RABGAP1L: variants seen among roughly 807,000 people sequenced by gnomAD.
RABGAP1L encodes rab GTPase-activating protein 1-like.
RABGAP1L carries 63 observed loss-of-function variants against 137.7 expected under a neutral mutation model. The observed-to-expected ratio is 0.46, with a 90% CI of 0.37 to 0.56. The LOEUF (loss-of-function observed/expected upper bound fraction) is 0.56, where lower values mean the gene tolerates loss of function less well. Ranked by LOEUF, RABGAP1L falls within the 20% of genes least tolerant of loss-of-function variation. The pLI is 0.00. For synonymous variants in RABGAP1L, 431 were observed against 433.7 expected (o/e 0.99, Z 0.08); for missense variants, 1,095 against 1,244.0 (o/e 0.88, Z 1.80).
chr1:174,617,076 C>T (rs909767968), intron 13 of RABGAP1L, among the ~76,000 whole-genome samples: 3 of 152,174 alleles, frequency 2.0e-5, no homozygotes, highest in South Asian at 2.1e-4. Context: ...AAGGAATATA[C>T]TGTGTCCAGC....
intron 19 of RABGAP1L, among the ~76,000 whole-genome samples, chr1:174,835,824 A>G (rs914461859): frequency 4.6e-5 from 7 of 152,268 alleles, no homozygotes; most frequent in African/African-American, 1.7e-4. Context: ...AAAGTGATGT[A>G]TATTTCTTCC....
chr1:174,678,714 C>T (rs1348221257), intron 14 of RABGAP1L, among the ~76,000 whole-genome samples: 1 of 152,152 alleles, frequency 6.6e-6, no homozygotes, highest in African/African-American at 2.4e-5. Flanking sequence ...TTCTTGGCCT[C>T]ACGGCTTCCA....
At chr1:174,340,909 C>T (rs560614680) in intron 11 of RABGAP1L, among the ~76,000 whole-genome samples, 4 of 152,174 alleles carry the variant, frequency 2.6e-5, no homozygotes, top group Non-Finnish European at 4.4e-5. Flanking sequence ...TTTTCCTTCA[C>T]GACCTTGCCA....
intron 3 of RABGAP1L, among the ~76,000 whole-genome samples, chr1:174,226,491 A>G (rs6682607): frequency 0.84 from 128,606 of 152,232 alleles, 54,988 homozygotes; most frequent in East Asian, 1. Context: ...TTATAACAGT[A>G]GGAGAGATAA....
At chr1:174,302,198 C>T (rs1677774636) in intron 10 of RABGAP1L, among the ~76,000 whole-genome samples, 1 of 152,142 alleles carries the variant, frequency 6.6e-6, no homozygotes, top group African/African-American at 2.4e-5. Context: ...TAGATTAGGA[C>T]ACAGAAGCCA....
At chr1:174,241,244 C>T (rs1446384724) in intron 4 of RABGAP1L, among the ~76,000 whole-genome samples, 3 of 151,992 alleles carry the variant, frequency 2.0e-5, no homozygotes, top group South Asian at 2.1e-4. Flanking sequence ...CGCTTGAACT[C>T]GGGAGGTGGA....
At chr1:174,499,141 C>T (rs1661019653) in intron 13 of RABGAP1L, among the ~76,000 whole-genome samples, 3 of 151,934 alleles carry the variant, frequency 2.0e-5, no homozygotes, top group Non-Finnish European at 4.4e-5. Context: ...ATTGCTACCA[C>T]ATATAATGCA....
chr1:174,324,068 C>T (rs547900223), intron 11 of RABGAP1L, among the ~76,000 whole-genome samples: 5 of 152,054 alleles, frequency 3.3e-5, no homozygotes, highest in Admixed American at 6.6e-5. Flanking sequence ...GCAAATTATC[C>T]AGAAACATCA....
intron 14 of RABGAP1L, among the ~76,000 whole-genome samples, chr1:174,668,789 G>A (rs1676968182): frequency 6.6e-6 from 1 of 152,064 alleles, no homozygotes; most frequent in Non-Finnish European, 1.5e-5. Flanking sequence ...TTTGTCTTTT[G>A]ATAATAGCTA....
chr1:174,536,494 T>G (rs1477277188), intron 13 of RABGAP1L, among the ~76,000 whole-genome samples: 2 of 152,010 alleles, frequency 1.3e-5, no homozygotes, highest in African/African-American at 4.8e-5. Context: ...AAAAGAAAAA[T>G]AAGCATTCTT....
At chr1:174,502,502 A>T (rs1202578335) in intron 13 of RABGAP1L, among the ~76,000 whole-genome samples, 1 of 150,608 alleles carries the variant, frequency 6.6e-6, no homozygotes, top group Non-Finnish European at 1.5e-5. Flanking sequence ...AAAACCAAAT[A>T]ACACAAAACA....
chr1:174,327,968 T>TATACAC lies in RABGAP1L; in HGVS notation c.1465+22844_1465+22845insCACATA, dbSNP rs1161227192. On this transcript the variant is annotated intron_variant, in intron 11 of 25. Coordinates refer to ENST00000681986, the MANE Select transcript of RABGAP1L (RefSeq NM_001366446.1). ...TATAACAGTTGTAAATATATATATA[T>TATACAC]ATATATATATACACACACATATATA... Among the ~76,000 whole-genome samples, 38 of 14,318 alleles carry TATACAC rather than the reference T, an allele frequency of 2.7e-3. 2 individuals are homozygous for TATACAC. The highest frequency in any genetic ancestry group is 0.022 in the African/African-American group (35 of 1,596). The allele number at this position is 14,318 out of a possible 152,430, so 9.4% of individuals were successfully genotyped here. A position where few individuals can be genotyped will look rare whatever the true frequency, so the allele number is the denominator to read the frequency against.
At chr1:174,296,458 T>G (rs2148736897) in intron 10 of RABGAP1L, among the ~76,000 whole-genome samples, 1 of 152,350 alleles carries the variant, frequency 6.6e-6, no homozygotes, top group South Asian at 2.1e-4. Context: ...TGAATGAACA[T>G]TCCATTAAAA....
At chr1:174,715,981 C>T (rs894626980) in intron 17 of RABGAP1L, among the ~76,000 whole-genome samples, 3 of 152,196 alleles carry the variant, frequency 2.0e-5, no homozygotes, top group African/African-American at 7.2e-5. Context: ...TGAGGATGCT[C>T]AAGTTCCCTG....
chr1:174,561,475 C>T (rs1224793526), intron 13 of RABGAP1L, among the ~76,000 whole-genome samples: 1 of 151,726 alleles, frequency 6.6e-6, no homozygotes, highest in Non-Finnish European at 1.5e-5. Flanking sequence ...ATCAAGCTAC[C>T]ATTGCCTTTC....
At chr1:174,463,184 A>G (rs557008268) in intron 13 of RABGAP1L, among the ~76,000 whole-genome samples, 227 of 152,250 alleles carry the variant, frequency 1.5e-3, no homozygotes, top group Non-Finnish European at 2.6e-3. Context: ...AGGACTATAA[A>G]TCATGCTGCT....
At chr1:174,223,366 C>G (rs1296390956) in intron 3 of RABGAP1L, among the ~76,000 whole-genome samples, 2 of 145,926 alleles carry the variant, frequency 1.4e-5, no homozygotes, top group African/African-American at 2.5e-5. Context: ...TCACTTGAAC[C>G]CAGGAGGTGG....
chr1:174,596,541 C>G (rs1053716630), intron 13 of RABGAP1L, among the ~76,000 whole-genome samples: 3 of 152,182 alleles, frequency 2.0e-5, no homozygotes, highest in Non-Finnish European at 2.9e-5. Context: ...TATTTAAATG[C>G]TATTGATTTT....
intron 18 of RABGAP1L, among the ~76,000 whole-genome samples, chr1:174,771,917 C>T (rs942591257): frequency 3.9e-5 from 6 of 152,212 alleles, no homozygotes; most frequent in East Asian, 1.9e-4. Flanking sequence ...CTAATCTTCA[C>T]GGCCGGGCAC....
Sources: gnomAD v4.1 joint callset for allele counts (sites outside exome capture counted in the v4.1 genomes callset) on GRCh38, gnomAD v4.1.1 for gene constraint, MANE v1.5 for transcripts, NCBI Gene and HGNC (gene_info 2026-07-23, HGNC 2026-07-21) for gene names.